A1CF: variants seen among roughly 807,000 people sequenced by gnomAD.
A1CF encodes APOBEC-1 stimulating protein.
Under a neutral mutation model 68.9 loss-of-function variants are expected in A1CF, and 48 were observed. The observed-to-expected ratio is 0.70, with a 90% confidence interval of 0.55 to 0.89. A1CF has a LOEUF of 0.89. Ranked by LOEUF, A1CF falls within the 40% of genes least tolerant of loss-of-function variation. The probability of loss-of-function intolerance (pLI) is 0.00; values close to 1 mark genes in which losing one functional copy is unlikely to be tolerated. For missense variants in A1CF, 653 were observed against 718.9 expected, an observed-to-expected ratio of 0.91 and a Z score of 1.05; for synonymous variants, 272 against 260.4, an observed-to-expected ratio of 1.04 and a Z score of -0.43.
In A1CF at chr10:50,800,436, G is replaced by A. The variant is rs1837553805; in HGVS notation, c.*6293C>T. The A allele has an allele frequency of 6.6e-6, 1 of 152,152 alleles. No individual in the cohort carries two copies. The highest frequency in any genetic ancestry group is 2.4e-5 in the African/African-American group (1 of 41,454). The allele number at this position is 152,152 out of a possible 1,614,324, so 9.4% of individuals were successfully genotyped here. The stretch of plus-strand genomic sequence containing the variant: ...TAGTGGAAACTTAAGGTTTAGAACA[G>A]AGTTGATTTATTTTCAGAATTCTAA... On this transcript the variant is annotated 3_prime_UTR_variant, in exon 13 of 13. Coordinates refer to ENST00000373997, the MANE Select transcript of A1CF (RefSeq NM_014576.4).
At chr10:50,816,494 A>T in intron 8 of A1CF, 1 of 560,736 alleles carries the variant, frequency 1.8e-6, no homozygotes, top group South Asian at 2.3e-5. Flanking sequence ...CAGGTTTGAC[A>T]GTGACATATT....
intron 3 of A1CF, among the ~76,000 whole-genome samples, chr10:50,854,926 C>T (rs959181104): frequency 1.3e-5 from 2 of 151,708 alleles, no homozygotes; most frequent in Non-Finnish European, 2.9e-5. Context: ...ATAAACAAAG[C>T]TAATACACAC....
At chr10:50,844,365 A>G (rs1262362864) in intron 3 of A1CF, among the ~76,000 whole-genome samples, 1 of 141,264 alleles carries the variant, frequency 7.1e-6, no homozygotes, top group Admixed American at 6.9e-5. Flanking sequence ...CTAGGCAAAT[A>G]TTTTTTTTTT....
chr10:50,860,011 A>C, intron 2 of A1CF, 26 bp from the exon 3 acceptor site: 1 of 1,230,856 alleles, frequency 8.1e-7, no homozygotes, highest in Non-Finnish European at 1.2e-6. Flanking sequence ...AGATAAATTA[A>C]GTAAATTACT....
At chr10:50,859,790 C>T in intron 3 of A1CF, 52 bp downstream of exon 3, 1 of 1,532,026 alleles carries the variant, frequency 6.5e-7, no homozygotes, top group Non-Finnish European at 9.0e-7. Flanking sequence ...CCAATATTCC[C>T]ACCACTGTGC....
intron 3 of A1CF, among the ~76,000 whole-genome samples, chr10:50,856,473 C>G (rs1840480857): frequency 6.6e-6 from 1 of 152,034 alleles, no homozygotes; most frequent in Non-Finnish European, 1.5e-5. Flanking sequence ...CGCTGCTAGT[C>G]AATATTACTT....
intron 10 of A1CF, among the ~76,000 whole-genome samples, chr10:50,813,112 C>T (rs1838197331): frequency 6.6e-6 from 1 of 152,164 alleles, no homozygotes; most frequent in African/African-American, 2.4e-5. Flanking sequence ...GATTATTCAG[C>T]CAAAATGTAT....
chr10:50,807,120 C>G (rs1837870706), intron 12 of A1CF, among the ~76,000 whole-genome samples: 1 of 152,160 alleles, frequency 6.6e-6, no homozygotes, highest in Admixed American at 6.5e-5. Context: ...GTCAGAATCA[C>G]TTTATACTTA....
At chr10:50,821,329 C>G (rs935185254) in intron 7 of A1CF, among the ~76,000 whole-genome samples, 1 of 152,172 alleles carries the variant, frequency 6.6e-6, no homozygotes, top group Non-Finnish European at 1.5e-5. Context: ...ATCTACTATT[C>G]TACTTTGAGT....
chr10:50,832,146 A>T (rs978574179), intron 6 of A1CF, among the ~76,000 whole-genome samples: 1 of 152,234 alleles, frequency 6.6e-6, no homozygotes, highest in East Asian at 1.9e-4. Context: ...CACAATTACC[A>T]TGGTATGGAA....
rs375816179 is a variant in A1CF, at chr10:50,861,375, G to A, written c.-45-1390C>T. Among the ~76,000 whole-genome samples, 52 of 149,542 alleles carry A rather than the reference G, an allele frequency of 3.5e-4. 2 individuals carry two copies. In the South Asian group the frequency reaches 0.01, roughly 29 times the overall value. ...ACTAACACTAGTATTACTAATTGCAGCACTAGTAGTAATGACAGTGCTAGT... is the reference window on the plus strand; with the variant it reads ...ACTAACACTAGTATTACTAATTGCAACACTAGTAGTAATGACAGTGCTAGT... On this transcript the variant is annotated intron_variant, in intron 2 of 12. Coordinates refer to ENST00000373997, the MANE Select transcript of A1CF (RefSeq NM_014576.4).
intron 7 of A1CF, 81 bp from the exon 8 acceptor site, chr10:50,820,730 A>C: frequency 1.7e-6 from 2 of 1,152,972 alleles, no homozygotes; most frequent in Non-Finnish European, 2.5e-6. Context: ...CTAGCTGCAA[A>C]GAGTATTTGA....
At chr10:50,855,917 T>A (rs1840457632) in intron 3 of A1CF, among the ~76,000 whole-genome samples, 1 of 152,036 alleles carries the variant, frequency 6.6e-6, no homozygotes, top group African/African-American at 2.4e-5. Flanking sequence ...AAAACTTTTT[T>A]AAAAAGTAAA....
At chr10:50,807,745 T>C (rs754724532) in intron 12 of A1CF, among the ~76,000 whole-genome samples, 5 of 152,204 alleles carry the variant, frequency 3.3e-5, no homozygotes, top group African/African-American at 4.8e-5. Context: ...TATCCAGAAA[T>C]TGTAAAAGAT....
intron 2 of A1CF, among the ~76,000 whole-genome samples, chr10:50,860,618 G>A (rs1840701226): frequency 6.6e-6 from 1 of 152,166 alleles, no homozygotes; most frequent in Non-Finnish European, 1.5e-5. Context: ...CCACAGACAT[G>A]TTCAGTAGAG....
At chr10:50,878,727 TA>T (rs1259947552) in intron 1 of A1CF, among the ~76,000 whole-genome samples, 1 of 152,200 alleles carries the variant, frequency 6.6e-6, no homozygotes, top group Admixed American at 6.5e-5. Context: ...GTTTTTCTCT[TA>T]AAATATCTTA....
intron 10 of A1CF, among the ~76,000 whole-genome samples, chr10:50,812,973 G>A (rs1215602249): frequency 6.6e-6 from 1 of 152,126 alleles, no homozygotes; most frequent in Non-Finnish European, 1.5e-5. Flanking sequence ...TACCCAAGAT[G>A]AGCTTTTAGA....
At chr10:50,820,176 G>A (rs1472372539) in intron 8 of A1CF, among the ~76,000 whole-genome samples, 1 of 152,148 alleles carries the variant, frequency 6.6e-6, no homozygotes, top group South Asian at 2.1e-4. Context: ...CAGCTATCTT[G>A]ACATGTTTTT....
chr10:50,802,713 A>T lies in A1CF; in HGVS notation c.*4016T>A, dbSNP rs1837650135. 6.6e-6 allele frequency: 1 copy of T among 152,184 alleles called. No homozygotes were observed. Among genetic ancestry groups the T allele is most frequent in the Admixed American group, 6.5e-5 (1 of 15,278 alleles). The allele number at this position is 152,184 out of a possible 1,614,324, so 9.4% of individuals were successfully genotyped here. On this transcript the variant is annotated 3_prime_UTR_variant, in exon 13 of 13. Transcript: ENST00000373997. ...GAGTTGTTCAATAATAATATACTTTATCAAACTTCATAGGTTAGAATGCAA... is the reference window on the plus strand; with the variant it reads ...GAGTTGTTCAATAATAATATACTTTTTCAAACTTCATAGGTTAGAATGCAA...
Sources: allele counts gnomAD v4.1 joint callset (sites outside exome capture counted in the v4.1 genomes callset), GRCh38; gene constraint gnomAD v4.1.1; transcripts MANE v1.5; gene names NCBI Gene and HGNC (gene_info 2026-07-23, HGNC 2026-07-21).